ALK: variants seen among roughly 807,000 people sequenced by gnomAD.
ALK encodes ALK tyrosine kinase receptor.
In ALK, 74 loss-of-function variants were observed where a neutral mutation model predicts 163.1. That is an observed-to-expected ratio of 0.45 (90% CI 0.38 to 0.55). The LOEUF (loss-of-function observed/expected upper bound fraction) is 0.55. ALK is among the 20% of genes least tolerant of loss of function. ALK has a pLI of 0.00. For synonymous variants in ALK, 960 were observed against 843.2 expected, an observed-to-expected ratio of 1.14 and a Z score of -2.40; for missense variants, 2,063 against 2,105.3, an observed-to-expected ratio of 0.98 and a Z score of 0.39.
At chr2:29,584,831 G>T (rs1319580016) in intron 3 of ALK, among the ~76,000 whole-genome samples, 1 of 152,244 alleles carries the variant, frequency 6.6e-6, no homozygotes, top group Non-Finnish European at 1.5e-5. Flanking sequence ...ATGCTGTTGA[G>T]TATTGGTGTC....
chr2:29,748,808 C>T (rs932108834), intron 1 of ALK, among the ~76,000 whole-genome samples: 24 of 152,034 alleles, frequency 1.6e-4, no homozygotes, highest in Admixed American at 5.9e-4. Context: ...TGCAGTGGCA[C>T]GATCAAGGCT....
chr2:29,694,834 G>A lies in ALK; in HGVS notation c.952+16C>T, dbSNP rs112736234. On this transcript the variant is annotated intron_variant, in intron 3 of 28. Coordinates refer to ENST00000389048, the MANE Select transcript of ALK (RefSeq NM_004304.5). ...CCCTGACCCACCCAGGACATCACCA[G>A]CAGCCTCTCCCTTACCTCTGGGCAT... 3,942 of 1,613,224 alleles carry A rather than the reference G, an allele frequency of 2.4e-3. 86 individuals are homozygous for A. The African/African-American group carries it at 0.047, about 19-fold the overall frequency.
At position 29,212,185 on chromosome 2, in the gene ALK, GCT is replaced by G. The variant is rs138246444; in HGVS notation, c.3743+1797_3743+1798del. Among the ~76,000 whole-genome samples, 194 of 152,336 alleles carry G rather than the reference GCT, an allele frequency of 1.3e-3. 7 individuals carry two copies. In the East Asian group the frequency reaches 0.036, roughly 28 times the overall value. ...ATCTGGCCACCAGGTGACGCGGGTT[GCT>G]CTCATAGGAGTCTAGACTTAAAGCA... On this transcript the variant is annotated intron_variant, in intron 24 of 28. Transcript: ENST00000389048.
intron 1 of ALK, among the ~76,000 whole-genome samples, chr2:29,808,617 G>A (rs568334607): frequency 2.0e-5 from 3 of 152,242 alleles, no homozygotes; most frequent in East Asian, 1.9e-4. Flanking sequence ...TCACTGGCCC[G>A]TGCTCCAAAT....
At chr2:29,593,495 C>T (rs981400690) in intron 3 of ALK, among the ~76,000 whole-genome samples, 1 of 152,214 alleles carries the variant, frequency 6.6e-6, no homozygotes, top group Non-Finnish European at 1.5e-5. Flanking sequence ...TTTCCCACTG[C>T]AAAACTTGTT....
chr2:29,751,309 A>G (rs1680359985), intron 1 of ALK, among the ~76,000 whole-genome samples: 1 of 152,196 alleles, frequency 6.6e-6, no homozygotes, highest in South Asian at 2.1e-4. Flanking sequence ...TTATTTTAAA[A>G]AAATTAATTG....
chr2:29,806,605 C>T (rs901052803), intron 1 of ALK, among the ~76,000 whole-genome samples: 23 of 152,292 alleles, frequency 1.5e-4, no homozygotes, highest in African/African-American at 5.5e-4. Flanking sequence ...GGATTTTCTA[C>T]CTGAGCAATG....
chr2:29,321,123 C>T (rs540916664), intron 6 of ALK, among the ~76,000 whole-genome samples: 2 of 152,324 alleles, frequency 1.3e-5, no homozygotes, highest in South Asian at 4.1e-4. Context: ...AAAAATAACT[C>T]TTCAGCATGG....
chr2:29,749,739 C>T (rs768421625), intron 1 of ALK, among the ~76,000 whole-genome samples: 27 of 151,978 alleles, frequency 1.8e-4, no homozygotes, highest in Non-Finnish European at 3.7e-4. Flanking sequence ...CATAAGGCAA[C>T]TTCAGTTTAG....
At chr2:29,856,988 G>C (rs778340359) in intron 1 of ALK, among the ~76,000 whole-genome samples, 16 of 152,082 alleles carry the variant, frequency 1.1e-4, no homozygotes, top group Non-Finnish European at 2.1e-4. Context: ...TGTGTGTGTC[G>C]TGTACAGGAC....
chr2:29,654,122 T>C (rs1462415141), intron 3 of ALK, among the ~76,000 whole-genome samples: 1 of 152,134 alleles, frequency 6.6e-6, no homozygotes, highest in Non-Finnish European at 1.5e-5. Flanking sequence ...ACACATTATG[T>C]CACTGGCATA....
At chr2:29,716,162 G>A (rs745402978) in intron 2 of ALK, among the ~76,000 whole-genome samples, 41 of 152,150 alleles carry the variant, frequency 2.7e-4, no homozygotes, top group Non-Finnish European at 2.1e-4. Flanking sequence ...ATGCCCAGAA[G>A]GGAATCTAGA....
chr2:29,807,936 A>G (rs112351378), intron 1 of ALK, among the ~76,000 whole-genome samples: 4 of 152,330 alleles, frequency 2.6e-5, no homozygotes, highest in South Asian at 2.1e-4. Context: ...GAGAGTTTCA[A>G]TTAGGTGCTG....
At chr2:29,346,566 C>G (rs1667954884) in intron 5 of ALK, among the ~76,000 whole-genome samples, 1 of 152,270 alleles carries the variant, frequency 6.6e-6, no homozygotes, top group African/African-American at 2.4e-5. Flanking sequence ...ATATTTCTGA[C>G]AGAGGCACAA....
intron 1 of ALK, among the ~76,000 whole-genome samples, chr2:29,740,957 G>C: frequency 6.6e-6 from 1 of 152,238 alleles, no homozygotes. Flanking sequence ...AGCAGTGATC[G>C]TGCCACTGCA....
Position 29,193,232 on chromosome 2 carries a change from C to CAGGCTGGTTCATGCTATTCTTGCTTTT in ALK, c.4828_4854dup (p.Lys1610_Pro1618dup), listed in dbSNP as rs1668918005. 2 of 1,614,048 alleles carry CAGGCTGGTTCATGCTATTCTTGCTTTT rather than the reference C, an allele frequency of 1.2e-6. No homozygotes were observed. The highest frequency in any genetic ancestry group is 1.7e-6 in the Non-Finnish European group (2 of 1,180,018). ...TGAGTGTGCGACCGAGCTCAGGGCC[C>CAGGCTGGTTCATGCTATTCTTGCTTTT]AGGCTGGTTCATGCTATTCTTGCTT... On this transcript the variant is annotated inframe_insertion, in exon 29 of 29. Coordinates refer to ENST00000389048, the MANE Select transcript of ALK (RefSeq NM_004304.5).
At position 29,517,203 on chromosome 2, in the gene ALK, A is replaced by G. The variant is rs374702217; in HGVS notation, c.1154+14712T>C. ...GGGGCTGTCACATACAGAGAGGTTT[A>G]GGGGCAGCACAGAGAGAAGTGACCC... On this transcript the variant is annotated intron_variant, in intron 4 of 28. Coordinates refer to ENST00000389048, the MANE Select transcript of ALK (RefSeq NM_004304.5). Among the ~76,000 whole-genome samples the G allele has an allele frequency of 2.3e-3, 351 of 152,260 alleles. 12 individuals carry two copies. In the South Asian group the frequency reaches 0.071, roughly 31 times the overall value.
chr2:29,649,228 G>C (rs1676970952), intron 3 of ALK, among the ~76,000 whole-genome samples: 1 of 151,472 alleles, frequency 6.6e-6, no homozygotes, highest in African/African-American at 2.4e-5. Context: ...GAGAGAGAGA[G>C]AGAGAGAGAG....
rs773114284 is a variant in ALK at position 29,216,434 on chromosome 2, G to A, written c.3646-2353C>T. ...AGGATGCGAGGGCCATAGATGTCTCGGAAGCCCCAGGAGCCTGGAGCGCTG... is the reference window on the plus strand; with the variant it reads ...AGGATGCGAGGGCCATAGATGTCTCAGAAGCCCCAGGAGCCTGGAGCGCTG... On this transcript the variant is annotated intron_variant, in intron 23 of 28. Coordinates refer to ENST00000389048, the MANE Select transcript of ALK (RefSeq NM_004304.5). Among the ~76,000 whole-genome samples the A allele has an allele frequency of 1.4e-4, 22 of 152,162 alleles. 1 individual carries two copies. The highest frequency in any genetic ancestry group is 5.8e-4 in the East Asian group (3 of 5,166).
Sources: allele counts gnomAD v4.1 joint callset (sites outside exome capture counted in the v4.1 genomes callset), GRCh38; gene constraint gnomAD v4.1.1; transcripts MANE v1.5; gene names NCBI Gene and HGNC (gene_info 2026-07-23, HGNC 2026-07-21).